Variants in DDR2 observed in about 807,000 individuals in gnomAD.
The protein encoded by DDR2 is discoidin domain-containing receptor 2.
Under a neutral mutation model 94.9 loss-of-function variants are expected in DDR2, and 27 were observed. The ratio of observed to expected loss-of-function variants is 0.28; its 90% CI spans 0.21 to 0.39. The LOEUF (loss-of-function observed/expected upper bound fraction) is 0.39. Ranked by LOEUF, DDR2 falls within the 10% of genes least tolerant of loss-of-function variation. The probability of loss-of-function intolerance (pLI) is 1.00; values close to 1 mark genes in which losing one functional copy is unlikely to be tolerated. For missense variants in DDR2, 783 were observed against 1,076.0 expected, an observed-to-expected ratio of 0.73 and a Z score of 3.81; for synonymous variants, 382 against 377.2, an observed-to-expected ratio of 1.01 and a Z score of -0.15.
At chr1:162,660,156 A>G (rs1029087449) in intron 2 of DDR2, among the ~76,000 whole-genome samples, 6 of 152,110 alleles carry the variant, frequency 3.9e-5, no homozygotes, top group African/African-American at 1.4e-4. Context: ...CTTTCATAGC[A>G]TGTTTCAGGA....
At chr1:162,718,603 G>A (rs934328861) in intron 2 of DDR2, among the ~76,000 whole-genome samples, 2 of 151,938 alleles carry the variant, frequency 1.3e-5, no homozygotes, top group African/African-American at 2.4e-5. Context: ...ATAATGAATC[G>A]GGATAAATAT....
chr1:162,724,080 A>G (rs909780937), intron 3 of DDR2, among the ~76,000 whole-genome samples: 4 of 152,150 alleles, frequency 2.6e-5, no homozygotes, highest in Non-Finnish European at 4.4e-5. Flanking sequence ...GACCTTAGAA[A>G]TATCTAAGTC....
At position 162,719,120 on chromosome 1, in the gene DDR2, T is replaced by C. The variant is rs1661296526; in HGVS notation, c.57T>C (p.Ser19=). Residue 19 remains serine (S), a synonymous_variant, in exon 3 of 18, where the codon AGT becomes AGC. Coordinates refer to ENST00000367921, the MANE Select transcript of DDR2 (RefSeq NM_006182.4). ...TGTTCCTGCTGCTGCCTATCTTGAG[T>C]TCTGCAAAAGCTCAGGTTAATCCAG... is the stretch of plus-strand genomic sequence containing the variant. ...LVLFLLLPIL[S]SAKAQVNPAI... The C allele has an allele frequency of 6.2e-7, 1 of 1,613,790 alleles. No homozygotes were observed. The highest frequency in any genetic ancestry group is 1.7e-5 in the Admixed American group (1 of 59,976).
chr1:162,637,537 C>T (rs986408461), intron 1 of DDR2, among the ~76,000 whole-genome samples: 2 of 151,972 alleles, frequency 1.3e-5, no homozygotes, highest in South Asian at 4.2e-4. Flanking sequence ...TATTTGCTAT[C>T]AGTTACTCAA....
chr1:162,780,410 C>A lies in DDR2; in HGVS notation c.*164C>A. 6 of 793,396 alleles carry A rather than the reference C, an allele frequency of 7.6e-6. No individual in the cohort carries two copies. The highest frequency in any genetic ancestry group is 1.1e-5 in the Non-Finnish European group (6 of 556,948). The allele number at this position is 793,396 out of a possible 1,614,324, so 49.1% of individuals were successfully genotyped here. On this transcript the variant is annotated 3_prime_UTR_variant, in exon 18 of 18. Coordinates refer to ENST00000367921, the MANE Select transcript of DDR2 (RefSeq NM_006182.4). The stretch of plus-strand genomic sequence containing the variant: ...GGTCACCCCCACTCCCTACCCCTGA[C>A]TCATATACACTTTTTTTTTTTTTTA...
At chr1:162,711,687 A>G (rs1053792584) in intron 2 of DDR2, among the ~76,000 whole-genome samples, 5 of 152,106 alleles carry the variant, frequency 3.3e-5, no homozygotes, top group East Asian at 3.8e-4. Flanking sequence ...TGATGGAGGT[A>G]TTTTTCCAAA....
chr1:162,742,547 G>C (rs1024509609), intron 3 of DDR2, among the ~76,000 whole-genome samples: 1 of 152,324 alleles, frequency 6.6e-6, no homozygotes. Flanking sequence ...TTATCACCAA[G>C]GGCATGGCCC....
At chr1:162,739,567 A>G (rs1386187483) in intron 3 of DDR2, among the ~76,000 whole-genome samples, 1 of 152,032 alleles carries the variant, frequency 6.6e-6, no homozygotes, top group Admixed American at 6.6e-5. Flanking sequence ...TGGGCTGCCC[A>G]AAGTGCTGGG....
In DDR2 at chr1:162,761,324, C is replaced by G. The variant is rs1429174544; in HGVS notation, c.969C>G (p.Val323=). Residue 323 remains valine, a synonymous_variant, in exon 9 of 18, where the codon GTC becomes GTG. Transcript: ENST00000367921. The part of the protein sequence containing the change: ...WEPNAISFPL[V]LDDVNPSARF... Reference sequence around the variant, plus strand: ...CTAATGCCATTTCCTTCCCCCTTGTCCTGGATGACGTCAACCCCAGTGCTC... The same window carrying G: ...CTAATGCCATTTCCTTCCCCCTTGTGCTGGATGACGTCAACCCCAGTGCTC... 1 of 1,614,200 alleles carries G rather than the reference C, an allele frequency of 6.2e-7. No homozygotes were observed. Among genetic ancestry groups the G allele is most frequent in the East Asian group, 2.2e-5 (1 of 44,878 alleles).
intron 2 of DDR2, among the ~76,000 whole-genome samples, chr1:162,673,732 T>TAAAACAAAAC (rs145557802): frequency 2.8e-4 from 42 of 150,974 alleles, no homozygotes; most frequent in South Asian, 1.7e-3. Context: ...GCACTTTAGT[T>TAAAACAAAAC]AAAACAAAAC....
At chr1:162,701,897 T>C (rs983181493) in intron 2 of DDR2, among the ~76,000 whole-genome samples, 2 of 152,156 alleles carry the variant, frequency 1.3e-5, no homozygotes, top group African/African-American at 2.4e-5. Context: ...TAAGTCCCAG[T>C]GTAGTTTTCT....
chr1:162,682,805 T>C (rs748649438), intron 2 of DDR2, among the ~76,000 whole-genome samples: 4 of 152,202 alleles, frequency 2.6e-5, no homozygotes, highest in Non-Finnish European at 5.9e-5. Flanking sequence ...TTTGGACTTA[T>C]AAAAATGACA....
At chr1:162,730,817 C>T (rs1303877417) in intron 3 of DDR2, among the ~76,000 whole-genome samples, 1 of 152,214 alleles carries the variant, frequency 6.6e-6, no homozygotes, top group Non-Finnish European at 1.5e-5. Flanking sequence ...TCCCCCTCCA[C>T]ACAGCCCCAG....
intron 2 of DDR2, among the ~76,000 whole-genome samples, chr1:162,710,627 C>G (rs181127868): frequency 1.8e-4 from 27 of 152,218 alleles, no homozygotes; most frequent in African/African-American, 6.0e-4. Context: ...AATGACTCAG[C>G]AGAGAGGAAA....
chr1:162,719,734 A>T (rs1369956335), intron 3 of DDR2, among the ~76,000 whole-genome samples: 1 of 152,210 alleles, frequency 6.6e-6, no homozygotes, highest in Non-Finnish European at 1.5e-5. Context: ...ATTACACAAT[A>T]ATGCTGCTTA....
chr1:162,704,562 T>G (rs1660577779), intron 2 of DDR2, among the ~76,000 whole-genome samples: 1 of 152,140 alleles, frequency 6.6e-6, no homozygotes, highest in South Asian at 2.1e-4. Context: ...AAGATCAAGG[T>G]GCTGGCAGAT....
intron 3 of DDR2, among the ~76,000 whole-genome samples, chr1:162,747,605 A>G (rs554248684): frequency 9.2e-5 from 14 of 152,346 alleles, no homozygotes; most frequent in African/African-American, 3.1e-4. Context: ...AACTTCCCCA[A>G]CCTAGCAAGG....
Position 162,672,360 on chromosome 1 carries a change from C to T in DDR2, c.-28+16986C>T, listed in dbSNP as rs539832392. On this transcript the variant is annotated intron_variant, in intron 2 of 17. Transcript: ENST00000367921. Reference sequence around the variant, plus strand: ...GGTAGATGCTCTGGCTCCTGGTCCTCCACATTTTCCCTCTTGTGCCTTGAC... The same window carrying T: ...GGTAGATGCTCTGGCTCCTGGTCCTTCACATTTTCCCTCTTGTGCCTTGAC... Among the ~76,000 whole-genome samples, 16 of 152,146 alleles carry T rather than the reference C, an allele frequency of 1.1e-4. 1 individual carries two copies. Among genetic ancestry groups the T allele is most frequent in the Non-Finnish European group, 2.2e-4 (15 of 68,038 alleles).
At chr1:162,745,171 C>A (rs1334218934) in intron 3 of DDR2, among the ~76,000 whole-genome samples, 1 of 152,190 alleles carries the variant, frequency 6.6e-6, no homozygotes, top group East Asian at 1.9e-4. Flanking sequence ...TCTTTGACCA[C>A]TTTAAAATCA....
Sources: gnomAD v4.1 joint callset for allele counts (sites outside exome capture counted in the v4.1 genomes callset) on GRCh38, gnomAD v4.1.1 for gene constraint, MANE v1.5 for transcripts, NCBI Gene and HGNC (gene_info 2026-07-23, HGNC 2026-07-21) for gene names.